The following BMP7 variants were observed in gnomAD, a reference collection of about 807,000 sequenced individuals.
BMP7 encodes the protein osteogenic protein 1.
In BMP7, 12 loss-of-function variants were observed where a neutral mutation model predicts 41.2. The ratio of observed to expected loss-of-function variants is 0.29; its 90% confidence interval spans 0.19 to 0.47. The LOEUF is 0.47. Among genes scored for constraint, BMP7 ranks in the 20% least tolerant of loss-of-function variants. The pLI, the probability that BMP7 is intolerant of heterozygous loss-of-function variation, is 0.99. For synonymous variants in BMP7, 248 were observed against 250.0 expected (o/e 0.99, Z 0.07); for missense variants, 467 against 606.0 (o/e 0.77, Z 2.41).
At chr20:57,222,883 G>A (rs1985222329) in intron 2 of BMP7, among the ~76,000 whole-genome samples, 1 of 151,012 alleles carries the variant, frequency 6.6e-6, no homozygotes, top group South Asian at 2.1e-4. Context: ...TGGAGCCAGA[G>A]TCCAAAGGGA....
intron 1 of BMP7, among the ~76,000 whole-genome samples, chr20:57,249,037 A>G (rs2066101431): frequency 6.6e-6 from 1 of 151,892 alleles, no homozygotes; most frequent in Non-Finnish European, 1.5e-5. Context: ...TCCTGATGTC[A>G]TGATCTGCCC....
At chr20:57,184,662 C>T (rs1984169721) in intron 3 of BMP7, among the ~76,000 whole-genome samples, 1 of 152,108 alleles carries the variant, frequency 6.6e-6, no homozygotes, top group Non-Finnish European at 1.5e-5. Flanking sequence ...AGGGTCTTTG[C>T]AGATGTGCTG....
At chr20:57,222,385 A>G (rs553598319) in intron 2 of BMP7, among the ~76,000 whole-genome samples, 109 of 152,300 alleles carry the variant, frequency 7.2e-4, no homozygotes, top group South Asian at 8.3e-4. Context: ...AGTAGGGGAT[A>G]CTGGCTGTGT....
At chr20:57,235,980 G>A (rs2066046061) in intron 1 of BMP7, among the ~76,000 whole-genome samples, 1 of 152,014 alleles carries the variant, frequency 6.6e-6, no homozygotes, top group Non-Finnish European at 1.5e-5. Flanking sequence ...GGAGCTCAGA[G>A]GAGGCTCTGA....
intron 3 of BMP7, among the ~76,000 whole-genome samples, chr20:57,190,670 C>T (rs891442484): frequency 2.6e-4 from 39 of 152,122 alleles, no homozygotes; most frequent in Non-Finnish European, 3.8e-4. Context: ...TCCAGAAGCG[C>T]GTCCGCTCCT....
chr20:57,251,709 A>C (rs1251083869), intron 1 of BMP7, among the ~76,000 whole-genome samples: 3 of 152,152 alleles, frequency 2.0e-5, no homozygotes, highest in African/African-American at 7.2e-5. Flanking sequence ...CGAGGCAGGC[A>C]GATCCCTTGA....
intron 1 of BMP7, among the ~76,000 whole-genome samples, chr20:57,260,903 G>A (rs1374203667): frequency 2.0e-5 from 3 of 152,244 alleles, no homozygotes; most frequent in Non-Finnish European, 2.9e-5. Flanking sequence ...GAAGCATGGT[G>A]CAAAGGGCTC....
At position 57,215,326 on chromosome 20, in the gene BMP7, TC is replaced by T. The variant is rs1281216885; in HGVS notation, c.612-12704del. 1.3e-5 allele frequency among the ~76,000 whole-genome samples: 2 copies of T among 152,158 alleles called. No individual in the cohort carries two copies. The highest frequency in any genetic ancestry group is 6.5e-5 in the Admixed American group (1 of 15,278). On this transcript the variant is annotated intron_variant, in intron 2 of 6. Transcript: ENST00000395863. This position sits in a 1 kb window ranked among gnomAD's most constrained non-coding sequence, Gnocchi z 4.2. ...TCCCCATCACCTCTTCGGAGCCACC[TC>T]CTTTCCCCACATCAGGCAAAAATCA... is the stretch of plus-strand genomic sequence containing the variant.
chr20:57,248,413 G>A (rs2066098473), intron 1 of BMP7, among the ~76,000 whole-genome samples: 1 of 152,184 alleles, frequency 6.6e-6, no homozygotes, highest in Non-Finnish European at 1.5e-5. Flanking sequence ...CTTACACACA[G>A]TTTAGCCCAA....
chr20:57,182,468 G>T (rs966938598), intron 4 of BMP7, among the ~76,000 whole-genome samples: 23 of 152,246 alleles, frequency 1.5e-4, no homozygotes, highest in Non-Finnish European at 2.8e-4. Context: ...GGGGCTCCAC[G>T]AATGCCTGGT....
intron 5 of BMP7, 154 bp from the exon 6 acceptor site, chr20:57,173,464 C>A: frequency 1.3e-6 from 1 of 745,800 alleles, no homozygotes; most frequent in Non-Finnish European, 2.3e-6. Context: ...CCAGCAGGGG[C>A]AGGAAACATG....
At chr20:57,195,803 T>C (rs749564658) in intron 3 of BMP7, among the ~76,000 whole-genome samples, 2 of 152,204 alleles carry the variant, frequency 1.3e-5, no homozygotes, top group Non-Finnish European at 2.9e-5. Flanking sequence ...CGTGCTCTCG[T>C]GTGTCACAGG....
At chr20:57,207,219 T>C (rs1476308878) in intron 2 of BMP7, among the ~76,000 whole-genome samples, 1 of 152,086 alleles carries the variant, frequency 6.6e-6, no homozygotes, top group Non-Finnish European at 1.5e-5. Flanking sequence ...GAAATCTGAC[T>C]ACACTGCTGA....
At chr20:57,186,644 G>T (rs917071663) in intron 3 of BMP7, among the ~76,000 whole-genome samples, 1 of 152,084 alleles carries the variant, frequency 6.6e-6, no homozygotes, top group Non-Finnish European at 1.5e-5. Context: ...CTGCAGATAC[G>T]GTGCCCCCAA....
intron 1 of BMP7, among the ~76,000 whole-genome samples, chr20:57,250,719 C>G (rs993327300): frequency 6.6e-6 from 1 of 152,180 alleles, no homozygotes; most frequent in Non-Finnish European, 1.5e-5. Context: ...CCACAGTCAA[C>G]TGTCTAAACC....
At chr20:57,191,684 T>C (rs930931639) in intron 3 of BMP7, among the ~76,000 whole-genome samples, 36 of 149,828 alleles carry the variant, frequency 2.4e-4, no homozygotes, top group African/African-American at 8.8e-4. Context: ...GAGCCGGAGA[T>C]CATGTCACGG....
At chr20:57,176,135 C>T (rs367759388) in intron 4 of BMP7, among the ~76,000 whole-genome samples, 6 of 152,238 alleles carry the variant, frequency 3.9e-5, no homozygotes, top group African/African-American at 1.2e-4. Context: ...AAAGTTCCCA[C>T]ATTCCTAAGA....
At chr20:57,190,346 G>T (rs1334401131) in intron 3 of BMP7, among the ~76,000 whole-genome samples, 1 of 151,148 alleles carries the variant, frequency 6.6e-6, no homozygotes, top group African/African-American at 2.4e-5. Context: ...GAGACAGTGA[G>T]CGAGGAACCA....
In BMP7 at chr20:57,230,046, T is replaced by G. The variant is rs141579271; in HGVS notation, c.419-1625A>C. On this transcript the variant is annotated intron_variant, in intron 1 of 6. Transcript: ENST00000395863. ...CTGGGCACAGGAGCATCCCTGTCTT[T>G]GGAGAGACCTCGGGAAGATGACCTT... is the stretch of plus-strand genomic sequence containing the variant. Among the ~76,000 whole-genome samples the G allele has an allele frequency of 8.6e-3, 1,303 of 152,264 alleles. 19 individuals are homozygous for G. Among genetic ancestry groups the G allele is most frequent in the African/African-American group, 0.03 (1,231 of 41,560 alleles).
Sources: gnomAD v4.1 joint callset for allele counts (sites outside exome capture counted in the v4.1 genomes callset) on GRCh38, gnomAD v4.1.1 for gene constraint, Gnocchi (gnomAD v3.1) non-coding constraint, MANE v1.5 for transcripts, NCBI Gene and HGNC (gene_info 2026-07-23, HGNC 2026-07-21) for gene names.